SP1: variants seen among roughly 807,000 people sequenced by gnomAD.
SP1 encodes the protein Sp1 transcription factor, also known as transcription factor Sp1.
A neutral mutation model predicts 66.3 loss-of-function variants in SP1; 6 were observed. The observed-to-expected ratio is 0.09, with a 90% CI of 0.05 to 0.18. SP1 has a LOEUF of 0.18. SP1 is among the 10% of genes least tolerant of loss of function. The probability of loss-of-function intolerance (pLI) is 1.00; values close to 1 mark genes in which losing one functional copy is unlikely to be tolerated. For synonymous variants in SP1, 417 were observed against 360.8 expected (o/e 1.16, Z -1.77); for missense variants, 848 against 964.5 (o/e 0.88, Z 1.60).
At position 53,404,297 on chromosome 12, in the gene SP1, C is replaced by CA. The variant is rs1314990700; in HGVS notation, c.1676-2286dup. ...GCCTGTAATCAGCACTTTGGGAGGC[C>CA]AAGGCGGGCGGATCACAAGGTCAGG... is the stretch of plus-strand genomic sequence containing the variant. On this transcript the variant is annotated intron_variant, in intron 3 of 5. Transcript: ENST00000327443. Among the ~76,000 whole-genome samples the CA allele has an allele frequency of 2.6e-5, 4 of 152,082 alleles. 1 individual carries two copies. In the East Asian group the frequency reaches 7.7e-4, roughly 29 times the overall value.
At chr12:53,402,781 A>G (rs1455646162) in intron 3 of SP1, among the ~76,000 whole-genome samples, 1 of 150,958 alleles carries the variant, frequency 6.6e-6, no homozygotes, top group Non-Finnish European at 1.5e-5. Flanking sequence ...CCTGGCCAAT[A>G]TGGTGAAACC....
intron 3 of SP1, among the ~76,000 whole-genome samples, chr12:53,389,216 CTTTTTTTTT>C (rs71443297): frequency 9.4e-6 from 1 of 106,730 alleles, no homozygotes; most frequent in African/African-American, 3.6e-5. Flanking sequence ...TTAAAATGAT[CTTTTTTTTT>C]TTTTTTTTTT....
rs754016558 is a variant in SP1, at chr12:53,414,344, T to G, written c.*3104T>G. On this transcript the variant is annotated 3_prime_UTR_variant, in exon 6 of 6. Coordinates refer to ENST00000327443, the MANE Select transcript of SP1 (RefSeq NM_138473.3). ...TTACATGTCATTTGACTGTCTCACTTTTTACCCAGAACAGTAACAACCCAC... is the reference window on the plus strand; with the variant it reads ...TTACATGTCATTTGACTGTCTCACTGTTTACCCAGAACAGTAACAACCCAC... The G allele has an allele frequency of 2.6e-5, 4 of 152,598 alleles. No homozygotes were observed. Among genetic ancestry groups the G allele is most frequent in the Non-Finnish European group, 5.9e-5 (4 of 68,038 alleles). The allele number at this position is 152,598 out of a possible 1,614,324, so 9.5% of individuals were successfully genotyped here.
At chr12:53,403,513 C>T (rs1462261317) in intron 3 of SP1, among the ~76,000 whole-genome samples, 1 of 131,574 alleles carries the variant, frequency 7.6e-6, no homozygotes, top group African/African-American at 3.0e-5. Flanking sequence ...CCACCATGCC[C>T]AGCTAATTTT....
intron 3 of SP1, among the ~76,000 whole-genome samples, chr12:53,403,026 C>T (rs1353171366): frequency 6.6e-6 from 1 of 151,132 alleles, no homozygotes; most frequent in Non-Finnish European, 1.5e-5. Context: ...CCTCTACCTG[C>T]AATCACAGCT....
chr12:53,392,347 ATTTTTTTTT>A (rs574953864), intron 3 of SP1, among the ~76,000 whole-genome samples: 126 of 85,340 alleles, frequency 1.5e-3, no homozygotes, highest in Non-Finnish European at 2.2e-3. Context: ...CACCTGGCTA[ATTTTTTTTT>A]TTTTTTTTTT....
intron 3 of SP1, among the ~76,000 whole-genome samples, chr12:53,402,902 G>A (rs1938639729): frequency 2.0e-5 from 3 of 151,870 alleles, no homozygotes. Context: ...GAACCTGGGA[G>A]GCAGAGGTTG....
chr12:53,386,308 G>A (rs1938228990), intron 3 of SP1, among the ~76,000 whole-genome samples: 2 of 152,028 alleles, frequency 1.3e-5, no homozygotes, highest in African/African-American at 4.8e-5. Context: ...AGTGGGGGAT[G>A]TAGGATTGAG....
At chr12:53,385,092 C>G (rs778276205) in intron 3 of SP1, among the ~76,000 whole-genome samples, 1 of 146,908 alleles carries the variant, frequency 6.8e-6, no homozygotes, top group Non-Finnish European at 1.5e-5. Context: ...GTCAGGAGTT[C>G]AAGACCAGCG....
intron 3 of SP1, among the ~76,000 whole-genome samples, chr12:53,405,986 TAAAGTA>T (rs1161313104): frequency 1.8e-5 from 2 of 108,810 alleles, no homozygotes; most frequent in Non-Finnish European, 3.5e-5. Flanking sequence ...CCGTAAAACT[TAAAGTA>T]TAATAATAAA....
chr12:53,411,988 T>G lies in SP1; in HGVS notation c.*748T>G, dbSNP rs1056611009. The G allele has an allele frequency of 5.9e-5, 9 of 152,254 alleles. No homozygotes were observed. Among genetic ancestry groups the G allele is most frequent in the African/African-American group, 2.2e-4 (9 of 41,458 alleles). The allele number at this position is 152,254 out of a possible 1,614,324, so 9.4% of individuals were successfully genotyped here. A position where few individuals can be genotyped will look rare whatever the true frequency, so the allele number is the denominator to read the frequency against. On this transcript the variant is annotated 3_prime_UTR_variant, in exon 6 of 6. Transcript: ENST00000327443. The stretch of plus-strand genomic sequence containing the variant: ...GTCTCATCTTCTCTCATCTGATCAC[T>G]TCATGTTTTGTTTTTGTTACTGCCT...
At chr12:53,410,605 C>T (rs970265059) in intron 5 of SP1, among the ~76,000 whole-genome samples, 4 of 151,842 alleles carry the variant, frequency 2.6e-5, no homozygotes, top group Non-Finnish European at 4.4e-5. Context: ...CCCGGGTCCA[C>T]GCCATTCTCC....
At position 53,381,798 on chromosome 12, in the gene SP1, TGGA is replaced by T. The variant is rs766746383; in HGVS notation, c.156_158del (p.Gly53del). The T allele has an allele frequency of 1.4e-5, 22 of 1,613,236 alleles. No individual in the cohort carries two copies. In the East Asian group the frequency reaches 2.7e-4, roughly 20 times the overall value. ...GCAGCACAGGCAGTAGCAGCAGCACTGGAGGAGGAGGGCAGGTAAGTGATAATC... is the reference window on the plus strand; with the variant it reads ...GCAGCACAGGCAGTAGCAGCAGCACTGGAGGAGGGCAGGTAAGTGATAATC... On this transcript the variant is annotated inframe_deletion, in exon 2 of 6. Coordinates refer to ENST00000327443, the MANE Select transcript of SP1 (RefSeq NM_138473.3).
Position 53,413,487 on chromosome 12 carries a change from T to C in SP1, c.*2247T>C, listed in dbSNP as rs1390687541. ...TATAGTAACTTAATACTCTAAACAA[T>C]AGTTCACTCCATTTGGTCCTTTCTC... On this transcript the variant is annotated 3_prime_UTR_variant, in exon 6 of 6. Coordinates refer to ENST00000327443, the MANE Select transcript of SP1 (RefSeq NM_138473.3). 1 of 152,618 alleles carries C rather than the reference T, an allele frequency of 6.6e-6. No homozygotes were observed. Among genetic ancestry groups the C allele is most frequent in the Non-Finnish European group, 1.5e-5 (1 of 68,036 alleles). 9.5% of individuals were successfully genotyped at this position (152,618 alleles called of 1,614,324 possible).
chr12:53,403,177 G>A (rs566823985), intron 3 of SP1, among the ~76,000 whole-genome samples: 1 of 152,020 alleles, frequency 6.6e-6, no homozygotes, highest in Non-Finnish European at 1.5e-5. Context: ...GTTTTATTAG[G>A]CATAGTAACT....
intron 4 of SP1, among the ~76,000 whole-genome samples, chr12:53,407,016 G>A (rs965768295): frequency 2.0e-5 from 3 of 151,950 alleles, no homozygotes; most frequent in Non-Finnish European, 4.4e-5. Flanking sequence ...AGTAGAGACA[G>A]GGTTTCACTG....
rs578080004 is a variant in SP1, at chr12:53,392,915, C to G, written c.1675+9293C>G. Among the ~76,000 whole-genome samples the G allele has an allele frequency of 1.8e-4, 27 of 152,256 alleles. No individual in the cohort carries two copies. In the East Asian group the frequency reaches 4.8e-3, roughly 27 times the overall value. On this transcript the variant is annotated intron_variant, in intron 3 of 5. Coordinates refer to ENST00000327443, the MANE Select transcript of SP1 (RefSeq NM_138473.3). ...TCTCAGCTCACTGCAACCTCCACCTCTCGGGTTCAAGCGATTCTCCTGCCT... is the reference window on the plus strand; with the variant it reads ...TCTCAGCTCACTGCAACCTCCACCTGTCGGGTTCAAGCGATTCTCCTGCCT...
At position 53,401,477 on chromosome 12, in the gene SP1, A is replaced by T. The variant is rs1592567720; in HGVS notation, c.1676-5108A>T. ...TCTGGGAAAAAAAAAAAAAAAAAAA[A>T]GCTTTGAATGCTCTTATCTATTTCA... On this transcript the variant is annotated intron_variant, in intron 3 of 5. Coordinates refer to ENST00000327443, the MANE Select transcript of SP1 (RefSeq NM_138473.3). Among the ~76,000 whole-genome samples, 4 of 148,762 alleles carry T rather than the reference A, an allele frequency of 2.7e-5. No individual in the cohort carries two copies. In the Admixed American group the frequency reaches 2.7e-4, roughly 10 times the overall value.
intron 3 of SP1, among the ~76,000 whole-genome samples, chr12:53,406,335 A>C (rs1938738547): frequency 6.6e-6 from 1 of 151,792 alleles, no homozygotes; most frequent in African/African-American, 2.4e-5. Context: ...TCCCAAAGTG[A>C]TGGAATTACA....
Sources: allele counts gnomAD v4.1 joint callset (sites outside exome capture counted in the v4.1 genomes callset), GRCh38; gene constraint gnomAD v4.1.1; transcripts MANE v1.5; gene names NCBI Gene and HGNC (gene_info 2026-07-23, HGNC 2026-07-21).